The following LARP4B variants were observed in gnomAD, a reference collection of about 807,000 sequenced individuals.
LARP4B encodes the protein la-related protein 4B.
Under a neutral mutation model 89.8 loss-of-function variants are expected in LARP4B, and 12 were observed. The observed-to-expected ratio is 0.13, with a 90% CI of 0.09 to 0.22. The LOEUF is 0.22. Among genes scored for constraint, LARP4B ranks in the 10% least tolerant of loss-of-function variants. The pLI is 1.00. For synonymous variants in LARP4B, 367 were observed against 363.3 expected, an observed-to-expected ratio of 1.01 and a Z score of -0.12; for missense variants, 757 against 947.7, an observed-to-expected ratio of 0.80 and a Z score of 2.64.
chr10:943,103 C>T, the LARP4B span, among the ~76,000 whole-genome samples: 10 of 152,056 alleles, frequency 6.6e-5, no homozygotes, highest in Admixed American at 1.3e-4. Flanking sequence ...CACACCACCA[C>T]CCCTGGCTGA....
At position 811,028 on chromosome 10, in the gene LARP4B, C is replaced by T. The variant is rs1363671698; in HGVS notation, c.*1898G>A. ...TTACGATCCTGCCAGTTTTTGCTCT[C>T]TATATACTTTAAAACTCTTTCACAT... On this transcript the variant is annotated 3_prime_UTR_variant, in exon 18 of 18. Coordinates refer to ENST00000316157, the MANE Select transcript of LARP4B (RefSeq NM_015155.3). 1 of 152,256 alleles carries T rather than the reference C, an allele frequency of 6.6e-6. No homozygotes were observed. Among genetic ancestry groups the T allele is most frequent in the Non-Finnish European group, 1.5e-5 (1 of 68,020 alleles). The allele number at this position is 152,256 out of a possible 1,614,324, so 9.4% of individuals were successfully genotyped here. A position where few individuals can be genotyped will look rare whatever the true frequency, so the allele number is the denominator to read the frequency against.
the LARP4B span, among the ~76,000 whole-genome samples, chr10:952,537 C>G: frequency 9.6e-6 from 1 of 103,964 alleles, no homozygotes; most frequent in Non-Finnish European, 1.9e-5. Flanking sequence ...ATCGCACCAG[C>G]CCAGAACCAA....
At chr10:932,287 C>G (rs1380377852), upstream of LARP4B, among the ~76,000 whole-genome samples, 1 of 148,568 alleles carries the variant, frequency 6.7e-6, no homozygotes, top group Non-Finnish European at 1.5e-5. Flanking sequence ...GGATCAAGGT[C>G]CCGGCCCTGC....
intron 3 of LARP4B, chr10:873,473 A>C: frequency 1.1e-6 from 1 of 939,418 alleles, no homozygotes; most frequent in Non-Finnish European, 1.3e-6. Context: ...AGCCAGAAAG[A>C]TTTCAGGCTT....
the LARP4B span, among the ~76,000 whole-genome samples, chr10:979,691 G>T: frequency 1.3e-5 from 2 of 152,196 alleles, no homozygotes; most frequent in Non-Finnish European, 2.9e-5. Context: ...AGTGTCTTCA[G>T]CCAGATGCGG....
chr10:960,590 C>T, the LARP4B span, among the ~76,000 whole-genome samples: 1 of 151,674 alleles, frequency 6.6e-6, no homozygotes. Context: ...CACCTGTAAT[C>T]TCAGCTACTC....
In LARP4B at chr10:829,422, G is replaced by A. The variant is rs765381459; in HGVS notation, c.1088C>T (p.Thr363Met). The A allele has an allele frequency of 3.5e-5, 56 of 1,613,472 alleles. No homozygotes were observed. Among genetic ancestry groups the A allele is most frequent in the Admixed American group, 6.7e-5 (4 of 59,908 alleles). The change falls in exon 11 of 18, where the codon ACG becomes ATG. Residue 363 changes from threonine (T) to methionine (M), a missense_variant. Physicochemically the swap from Thr to Met is moderately conservative, Grantham distance 81. This residue lies in a region of LARP4B where 137 missense variants were observed against 213.9 expected (regional missense o/e 0.64). Transcript: ENST00000316157. ...FPLYSLITPQ[T>M]WSATHSYLDP... ...AAGATAGCTGTGCGTTGCTGACCACGTCTGGGGAGTGATCAGGCTGTACAG... is the reference window on the plus strand; with the variant it reads ...AAGATAGCTGTGCGTTGCTGACCACATCTGGGGAGTGATCAGGCTGTACAG...
At chr10:963,078 T>C in the LARP4B span, among the ~76,000 whole-genome samples, 1 of 152,146 alleles carries the variant, frequency 6.6e-6, no homozygotes. Flanking sequence ...GACTTGCCAT[T>C]TCCTTTCTCC....
chr10:961,875 A>T, the LARP4B span, among the ~76,000 whole-genome samples: 1 of 152,178 alleles, frequency 6.6e-6, no homozygotes. Flanking sequence ...AACACTGGGG[A>T]TCATATTTCA....
At chr10:827,148 C>T (rs947266356) in intron 11 of LARP4B, among the ~76,000 whole-genome samples, 1 of 151,718 alleles carries the variant, frequency 6.6e-6, no homozygotes, top group South Asian at 2.1e-4. Context: ...TAGTGGCGGG[C>T]GCCTGTAGTC....
chr10:814,404 C>T lies in LARP4B; in HGVS notation c.1929+338G>A, dbSNP rs191452329. Reference sequence around the variant, plus strand: ...TCATCAGACACACGATGCGCGCGCACGCACGCAAACATACACACACGCGCG... The same window carrying T: ...TCATCAGACACACGATGCGCGCGCATGCACGCAAACATACACACACGCGCG... On this transcript the variant is annotated intron_variant, in intron 17 of 17. Transcript: ENST00000316157. This position sits in a 1 kb window ranked among gnomAD's most constrained non-coding sequence, Gnocchi z 4.4. 397 of 377,698 alleles carry T rather than the reference C, an allele frequency of 1.1e-3. 1 individual carries two copies. The highest frequency in any genetic ancestry group is 2.0e-3 in the Admixed American group (49 of 25,116). 23.4% of individuals were successfully genotyped at this position (377,698 alleles called of 1,614,324 possible). A position where few individuals can be genotyped will look rare whatever the true frequency, so the allele number is the denominator to read the frequency against.
At chr10:919,297 T>C (rs1836915116) in intron 1 of LARP4B, among the ~76,000 whole-genome samples, 1 of 152,102 alleles carries the variant, frequency 6.6e-6, no homozygotes, top group Non-Finnish European at 1.5e-5. Flanking sequence ...AAGAGCTGGG[T>C]ATTACTTGCA....
In LARP4B at chr10:825,338, T is replaced by C. The variant is rs2026567; in HGVS notation, c.1233-22A>G. ...ATTCCTGTAAATAAAAATGGTTTTA[T>C]GTGTTGAGTTATAAAATGATCAAGG... On this transcript the variant is annotated intron_variant, in intron 12 of 17. Coordinates refer to ENST00000316157, the MANE Select transcript of LARP4B (RefSeq NM_015155.3). 1.1e-3 allele frequency: 1,815 copies of C among 1,610,020 alleles called. 16 individuals are homozygous for C. In the African/African-American group the frequency reaches 0.02, roughly 18 times the overall value.
chr10:832,339 G>A (rs557912948), intron 8 of LARP4B, among the ~76,000 whole-genome samples: 9 of 152,268 alleles, frequency 5.9e-5, no homozygotes, highest in African/African-American at 1.2e-4. Flanking sequence ...CACTGCGCCC[G>A]GCCAGATTTT....
chr10:838,524 A>G (rs1833346363), intron 7 of LARP4B, among the ~76,000 whole-genome samples: 1 of 152,208 alleles, frequency 6.6e-6, no homozygotes, highest in African/African-American at 2.4e-5. Context: ...GCTTCACATC[A>G]TATGTCATAG....
At chr10:916,758 C>G (rs1836833852) in intron 1 of LARP4B, among the ~76,000 whole-genome samples, 1 of 152,310 alleles carries the variant, frequency 6.6e-6, no homozygotes, top group Non-Finnish European at 1.5e-5. Context: ...AGTGCAGTGG[C>G]ACTTTCTAAC....
chr10:842,485 C>G (rs766815588), intron 7 of LARP4B, among the ~76,000 whole-genome samples: 8 of 152,112 alleles, frequency 5.3e-5, no homozygotes, highest in Non-Finnish European at 1.2e-4. Context: ...CGTAAGCCAC[C>G]ACACCTGGCC....
the LARP4B span, among the ~76,000 whole-genome samples, chr10:975,153 T>G: frequency 1.6e-4 from 25 of 152,344 alleles, no homozygotes; most frequent in African/African-American, 6.0e-4. Flanking sequence ...TACATACAAG[T>G]TACTTTCATG....
chr10:934,271 C>T (rs888408343), upstream of LARP4B, among the ~76,000 whole-genome samples: 4 of 151,884 alleles, frequency 2.6e-5, no homozygotes, highest in African/African-American at 9.7e-5. Flanking sequence ...CCAAGGCAGG[C>T]AGATCGCCCA....
Sources: allele counts gnomAD v4.1 joint callset (sites outside exome capture counted in the v4.1 genomes callset), GRCh38; gene constraint gnomAD v4.1.1; regional missense constraint gnomAD v4.1.1; non-coding constraint Gnocchi (gnomAD v3.1); transcripts MANE v1.5; gene names NCBI Gene and HGNC (gene_info 2026-07-23, HGNC 2026-07-21).